Variants in TRPA1 observed in about 807,000 individuals in gnomAD.
TRPA1 encodes ankyrin-like with transmembrane domains 1.
A neutral mutation model predicts 131.3 loss-of-function variants in TRPA1; 129 were observed. That is an observed-to-expected ratio of 0.98 (90% confidence interval 0.85 to 1.14). The LOEUF is 1.14. TRPA1 is among the 50% of genes most tolerant of loss of function. TRPA1 has a pLI of 0.00. For synonymous variants in TRPA1, 441 were observed against 451.7 expected, an observed-to-expected ratio of 0.98 and a Z score of 0.30; for missense variants, 1,304 against 1,354.2, an observed-to-expected ratio of 0.96 and a Z score of 0.58.
chr8:72,023,257 C>T lies in TRPA1; in HGVS notation c.3150-141G>A, dbSNP rs1431408736. On this transcript the variant is annotated intron_variant, in intron 26 of 26. Coordinates refer to ENST00000262209, the MANE Select transcript of TRPA1 (RefSeq NM_007332.3). ...TTTAACCTCGGTAGTCACAATCCTT[C>T]CAGGAAACATGTATTTTTGAAGTTT... is the stretch of plus-strand genomic sequence containing the variant. 4.4e-5 allele frequency: 33 copies of T among 757,418 alleles called. No homozygotes were observed. In the Admixed American group the frequency reaches 7.1e-4, roughly 16 times the overall value. The allele number at this position is 757,418 out of a possible 1,614,324, so 46.9% of individuals were successfully genotyped here. A position where few individuals can be genotyped will look rare whatever the true frequency, so the allele number is the denominator to read the frequency against.
At chr8:72,062,653 T>G in intron 6 of TRPA1, 146 bp downstream of exon 6, 1 of 856,788 alleles carries the variant, frequency 1.2e-6, no homozygotes, top group Admixed American at 2.5e-5. Flanking sequence ...TGGGATATTC[T>G]CTTGTTCTGC....
rs1268490369 is a variant in TRPA1 at position 72,023,172 on chromosome 8, T to C, written c.3150-56A>G. 11 of 1,458,280 alleles carry C rather than the reference T, an allele frequency of 7.5e-6. No homozygotes were observed. In the South Asian group the frequency reaches 1.3e-4, roughly 18 times the overall value. The allele number at this position is 1,458,280 out of a possible 1,614,324, so 90.3% of individuals were successfully genotyped here. On this transcript the variant is annotated intron_variant, in intron 26 of 26. Coordinates refer to ENST00000262209, the MANE Select transcript of TRPA1 (RefSeq NM_007332.3). ...TTTTCAGTTCTTCTTTTAGCCCTTC[T>C]GAATGTAGGAAGGCATAGGTTTTAA...
intron 5 of TRPA1, among the ~76,000 whole-genome samples, 175 bp downstream of exon 5, chr8:72,063,288 G>A (rs1050311137): frequency 6.6e-6 from 1 of 152,006 alleles, no homozygotes; most frequent in African/African-American, 2.4e-5. Flanking sequence ...GCTGAGGCAG[G>A]AGAATCACTT....
intron 17 of TRPA1, 35 bp downstream of exon 17, chr8:72,046,478 A>AG (rs1812439128): frequency 7.9e-7 from 1 of 1,266,542 alleles, no homozygotes; most frequent in Non-Finnish European, 1.1e-6. Flanking sequence ...AAGAAAAAAA[A>AG]GAAACTATTT....
chr8:72,028,314 C>A (rs1249615410), intron 24 of TRPA1, among the ~76,000 whole-genome samples: 1 of 152,060 alleles, frequency 6.6e-6, no homozygotes, highest in Non-Finnish European at 1.5e-5. Context: ...TTGAATAAAC[C>A]CCCCTATCAT....
chr8:72,085,388 AG>A, the TRPA1 span, among the ~76,000 whole-genome samples: 1 of 152,162 alleles, frequency 6.6e-6, no homozygotes, highest in Non-Finnish European at 1.5e-5. Context: ...TTGACAGTTT[AG>A]TCATGTATAT....
the TRPA1 span, among the ~76,000 whole-genome samples, chr8:72,086,957 T>C: frequency 6.6e-6 from 1 of 152,234 alleles, no homozygotes; most frequent in African/African-American, 2.4e-5. Context: ...AGTACTAAAA[T>C]GGCCTATGTT....
rs768686891 is a variant in TRPA1 at position 72,062,993 on chromosome 8, T to C, written c.662-49A>G. On this transcript the variant is annotated intron_variant, in intron 5 of 26. Coordinates refer to ENST00000262209, the MANE Select transcript of TRPA1 (RefSeq NM_007332.3). ...CATAACAAATATATAAAATAAATAATAGGGAGGTTTTTTGTTAAAAAATAT... is the reference window on the plus strand; with the variant it reads ...CATAACAAATATATAAAATAAATAACAGGGAGGTTTTTTGTTAAAAAATAT... The C allele has an allele frequency of 7.2e-6, 11 of 1,536,338 alleles. No homozygotes were observed. The Admixed American group carries it at 1.5e-4, about 20-fold the overall frequency.
At chr8:72,028,049 A>G (rs1585835520) in intron 24 of TRPA1, among the ~76,000 whole-genome samples, 1 of 152,120 alleles carries the variant, frequency 6.6e-6, no homozygotes, top group Admixed American at 6.5e-5. Flanking sequence ...TTGCTGACAT[A>G]CCTGCCAAGA....
chr8:72,023,095 G>C lies in TRPA1; in HGVS notation c.3171C>G (p.Leu1057=). 1.2e-6 allele frequency: 2 copies of C among 1,613,276 alleles called. No individual in the cohort carries two copies. The highest frequency in any genetic ancestry group is 1.7e-6 in the Non-Finnish European group (2 of 1,179,720). ...TAATGAGCTCATGCTGTTTTTCCAGGAGAAAAGTAAGATCCTTCAGCCTAA... is the reference window on the plus strand; with the variant it reads ...TAATGAGCTCATGCTGTTTTTCCAGCAGAAAAGTAAGATCCTTCAGCCTAA... ...QKYRLKDLTF[L]LEKQHELIKL... The change falls in exon 27 of 27, where the codon CTC becomes CTG. Residue 1057 remains leucine (L), a synonymous_variant. Coordinates refer to ENST00000262209, the MANE Select transcript of TRPA1 (RefSeq NM_007332.3).
chr8:72,031,232 T>G (rs1237255590), intron 23 of TRPA1, among the ~76,000 whole-genome samples: 1 of 152,184 alleles, frequency 6.6e-6, no homozygotes, highest in East Asian at 1.9e-4. Context: ...TGGTTTTTAA[T>G]TTGCAAGTGT....
At chr8:72,061,489 G>A in intron 7 of TRPA1, 136 bp downstream of exon 7, 1 of 964,548 alleles carries the variant, frequency 1.0e-6, no homozygotes, top group South Asian at 1.4e-5. Flanking sequence ...TGATCCACAG[G>A]GTCTTTGTTA....
the TRPA1 span, among the ~76,000 whole-genome samples, chr8:72,084,340 C>A: frequency 1.1e-4 from 17 of 151,992 alleles, no homozygotes; most frequent in Admixed American, 1.0e-3. Flanking sequence ...TTCATAGTAT[C>A]CTCATAAATT....
chr8:72,057,905 T>C (rs1204615543), intron 8 of TRPA1, 89 bp from the exon 9 acceptor site: 2 of 969,478 alleles, frequency 2.1e-6, no homozygotes, highest in Non-Finnish European at 3.2e-6. Flanking sequence ...AATTCATTGA[T>C]ACAGAGTGTC....
intron 22 of TRPA1, among the ~76,000 whole-genome samples, 166 bp from the exon 23 acceptor site, chr8:72,033,992 C>T (rs548646724): frequency 1.3e-5 from 2 of 152,192 alleles, no homozygotes; most frequent in East Asian, 3.9e-4. Context: ...GTAAAGTCAT[C>T]AAAAATATGT....
intron 23 of TRPA1, among the ~76,000 whole-genome samples, chr8:72,031,509 T>C (rs1489807009): frequency 6.6e-6 from 1 of 150,984 alleles, no homozygotes; most frequent in African/African-American, 2.4e-5. Flanking sequence ...GACTGGGAAG[T>C]GGAGGCTGCA....
In TRPA1 at chr8:72,063,514, G is replaced by A. The variant is rs761880074; in HGVS notation, c.610C>T (p.Gln204Ter). 73 of 1,613,868 alleles carry A rather than the reference G, an allele frequency of 4.5e-5. 1 individual carries two copies. The South Asian group carries it at 7.9e-4, about 17-fold the overall frequency. The change falls in exon 5 of 27, where the codon CAA (glutamine) becomes TAA (stop). Residue 204 changes from glutamine (Q) to a stop codon, truncating the protein, a stop_gained. Coordinates refer to ENST00000262209, the MANE Select transcript of TRPA1 (RefSeq NM_007332.3). LOFTEE classifies it high-confidence loss of function. Reference sequence around the variant, plus strand: ...TCTTTGGAACCTGAAAATGCAGCTTGGTGAATAGGGAAACATCCCCATTTA... The same window carrying A: ...TCTTTGGAACCTGAAAATGCAGCTTAGTGAATAGGGAAACATCCCCATTTA... ...SNKWGCFPIHQAAFSGSKECM... is the reference protein window; with the variant it reads ...SNKWGCFPIH
chr8:72,078,482 A>T (rs1361248775), upstream of TRPA1, among the ~76,000 whole-genome samples: 2 of 152,102 alleles, frequency 1.3e-5, no homozygotes, highest in Non-Finnish European at 2.9e-5. Context: ...TTCTCTAGAA[A>T]TTTCAGATAC....
chr8:72,023,018 C>G lies in TRPA1; in HGVS notation c.3248G>C (p.Ser1083Thr). 1.2e-6 allele frequency: 2 copies of G among 1,613,846 alleles called. No individual in the cohort carries two copies. The highest frequency in any genetic ancestry group is 1.7e-6 in the Non-Finnish European group (2 of 1,179,850). Residue 1083 changes from serine (S) to threonine (T), a missense_variant, in exon 27 of 27, where the codon AGC (serine) becomes ACC (threonine). Transcript: ENST00000262209. Reference protein sequence around the residue: ...EIISETEDDDSHCSFQDRFKK... With the variant: ...EIISETEDDDTHCSFQDRFKK... ...AAACCTGTCTTGAAAAGAACAATGG[C>G]TATCATCATCCTCTGTCTCAGAGAT...
Sources: gnomAD v4.1 joint callset for allele counts (sites outside exome capture counted in the v4.1 genomes callset) on GRCh38, gnomAD v4.1.1 for gene constraint, MANE v1.5 for transcripts, NCBI Gene and HGNC (gene_info 2026-07-23, HGNC 2026-07-21) for gene names.